The following ZNF33B variants were observed in gnomAD, a reference collection of about 807,000 sequenced individuals.
ZNF33B encodes zinc finger protein 33B.
A neutral mutation model predicts 45.8 loss-of-function variants in ZNF33B; 29 were observed. That is an observed-to-expected ratio of 0.63 (90% confidence interval 0.47 to 0.86). The LOEUF is 0.86. Among genes scored for constraint, ZNF33B ranks in the 40% least tolerant of loss-of-function variants. ZNF33B has a pLI of 0.00. For synonymous variants in ZNF33B, 305 were observed against 307.8 expected (o/e 0.99, Z 0.10); for missense variants, 831 against 909.9 (o/e 0.91, Z 1.12).
chr10:42,637,663 T>G (rs1484344021), intron 1 of ZNF33B, among the ~76,000 whole-genome samples: 14 of 150,292 alleles, frequency 9.3e-5, no homozygotes, highest in African/African-American at 2.8e-4. Context: ...TGGTTTTTTG[T>G]TTGTTTGTTT....
intron 4 of ZNF33B, among the ~76,000 whole-genome samples, chr10:42,606,035 C>G (rs757188898): frequency 2.6e-5 from 4 of 151,710 alleles, no homozygotes; most frequent in Non-Finnish European, 5.9e-5. Context: ...GAGGTTGAGG[C>G]TGCAATGAGC....
intron 2 of ZNF33B, among the ~76,000 whole-genome samples, chr10:42,636,429 G>A (rs1752737586): frequency 6.6e-6 from 1 of 152,156 alleles, no homozygotes; most frequent in Non-Finnish European, 1.5e-5. Flanking sequence ...AACACATGAA[G>A]CTCAACTTAT....
At chr10:42,603,425 G>GA (rs147032268) in intron 4 of ZNF33B, among the ~76,000 whole-genome samples, 2,552 of 152,314 alleles carry the variant, frequency 0.017, 76 homozygotes, top group African/African-American at 0.058. Context: ...CAGACCAACT[G>GA]AAAGTTTACT....
Position 42,590,754 on chromosome 10 carries a change from A to T in ZNF33B, c.*1859T>A, listed in dbSNP as rs1837089814. On this transcript the variant is annotated 3_prime_UTR_variant, in exon 5 of 5. Transcript: ENST00000359467. ...ATATTTCTTTCTAATCCTTTTGGTG[A>T]CCATAGGATCAGCTATGATGGCCTC... 6.6e-6 allele frequency: 1 copy of T among 152,140 alleles called. No individual in the cohort carries two copies. Among genetic ancestry groups the T allele is most frequent in the Non-Finnish European group, 1.5e-5 (1 of 68,040 alleles). The allele number at this position is 152,140 out of a possible 1,614,324, so 9.4% of individuals were successfully genotyped here.
chr10:42,620,493 C>T (rs1838525092), intron 4 of ZNF33B, among the ~76,000 whole-genome samples: 2 of 152,000 alleles, frequency 1.3e-5, no homozygotes, highest in Non-Finnish European at 1.5e-5. Flanking sequence ...CCCTTGACTT[C>T]CTGGGCTCAA....
Position 42,577,406 on chromosome 10 carries a change from G to A in ZNF33B, c.74-2728C>T, listed in dbSNP as rs35146950. 1.5e-3 allele frequency among the ~76,000 whole-genome samples: 222 copies of A among 152,016 alleles called. 1 individual carries two copies. The highest frequency in any genetic ancestry group is 2.4e-3 in the Non-Finnish European group (162 of 67,992). On this transcript the variant is annotated intron_variant, in intron 1 of 1. Coordinates refer to the ZNF33B transcript ENST00000462075. ...GATTCTCCAGTCTCTCTTTCCTACC[G>A]TCTCCTTCTCCCCTGTGACCTCCTC... is the stretch of plus-strand genomic sequence containing the variant.
chr10:42,592,813 T>G lies in ZNF33B; in HGVS notation c.2137A>C (p.Arg713=), dbSNP rs1281179863. 1 of 1,614,158 alleles carries G rather than the reference T, an allele frequency of 6.2e-7. No homozygotes were observed. The highest frequency in any genetic ancestry group is 1.1e-5 in the South Asian group (1 of 91,086). The change falls in exon 5 of 5, where the codon AGG becomes CGG. Residue 713 remains arginine, a synonymous_variant. Coordinates refer to ENST00000359467, the MANE Select transcript of ZNF33B (RefSeq NM_006955.3). ...CAAGATTTCTCTCCTGTGTGAGCCCTGTGATGTACTGTGAGTGATGATTTG... is the reference window on the plus strand; with the variant it reads ...CAAGATTTCTCTCCTGTGTGAGCCCGGTGATGTACTGTGAGTGATGATTTG... ...SHKSSLTVHH[R]AHTGEKSCQC...
chr10:42,606,699 G>A (rs2132080674), intron 4 of ZNF33B, among the ~76,000 whole-genome samples: 1 of 151,602 alleles, frequency 6.6e-6, no homozygotes, highest in Non-Finnish European at 1.5e-5. Context: ...TTGGGGGCAA[G>A]GGGAAGAAAC....
intron 4 of ZNF33B, among the ~76,000 whole-genome samples, chr10:42,625,136 C>T (rs1188185298): frequency 6.6e-6 from 1 of 151,546 alleles, no homozygotes; most frequent in East Asian, 1.9e-4. Flanking sequence ...GGAATCTTGA[C>T]AGGAATGCCA....
intron 4 of ZNF33B, among the ~76,000 whole-genome samples, chr10:42,626,204 C>G (rs1366258123): frequency 6.6e-6 from 1 of 152,100 alleles, no homozygotes; most frequent in African/African-American, 2.4e-5. Flanking sequence ...TTGAACCAGG[C>G]TTGCTTGTAT....
At chr10:42,638,297 T>C (rs1413896282) in intron 1 of ZNF33B, among the ~76,000 whole-genome samples, 177 bp downstream of exon 1, 2 of 152,272 alleles carry the variant, frequency 1.3e-5, no homozygotes, top group Non-Finnish European at 2.9e-5. Flanking sequence ...CTACAGAGGC[T>C]GCGCCTTAGA....
Position 42,593,072 on chromosome 10 carries a change from C to G in ZNF33B, c.1878G>C (p.Gln626His), listed in dbSNP as rs1837212206. 1.9e-6 allele frequency: 3 copies of G among 1,613,498 alleles called. No individual in the cohort carries two copies. Among genetic ancestry groups the G allele is most frequent in the African/African-American group, 1.3e-5 (1 of 74,852 alleles). ...KTFCQKSQLTQHQRIHIGEKP... is the reference protein window; with the variant it reads ...KTFCQKSQLTHHQRIHIGEKP... Reference sequence around the variant, plus strand: ...TCTCCCCTATGTGAATTCTCTGATGCTGAGTGAGTTGTGACTTCTGGCAGA... The same window carrying G: ...TCTCCCCTATGTGAATTCTCTGATGGTGAGTGAGTTGTGACTTCTGGCAGA... Residue 626 changes from glutamine to histidine, a missense_variant, in exon 5 of 5, where the codon CAG (glutamine) becomes CAC (histidine). Gln to His is a conservative substitution (Grantham distance 24, BLOSUM62 0). Coordinates refer to ENST00000359467, the MANE Select transcript of ZNF33B (RefSeq NM_006955.3).
chr10:42,614,763 G>A (rs1205626473), intron 4 of ZNF33B, among the ~76,000 whole-genome samples: 1 of 152,068 alleles, frequency 6.6e-6, no homozygotes, highest in Non-Finnish European at 1.5e-5. Flanking sequence ...AGACCAGCCT[G>A]GCCAACATGG....
At chr10:42,636,884 C>T (rs1370708866) in intron 2 of ZNF33B, 36 bp downstream of exon 2, 2 of 1,613,724 alleles carry the variant, frequency 1.2e-6, no homozygotes, top group African/African-American at 2.7e-5. Flanking sequence ...ACAAAGTCCA[C>T]CGCAAAATAA....
At position 42,591,694 on chromosome 10, in the gene ZNF33B, G is replaced by T. The variant is rs2132031623; in HGVS notation, c.*919C>A. ...GGGATAATTCACAGATGTGCTTAAT[G>T]CTGTTGCCCTGATTATTCAATTTAT... On this transcript the variant is annotated 3_prime_UTR_variant, in exon 5 of 5. Transcript: ENST00000359467. 2 of 281,824 alleles carry T rather than the reference G, an allele frequency of 7.1e-6. No homozygotes were observed. The highest frequency in any genetic ancestry group is 1.7e-4 in the East Asian group (1 of 5,758). 17.5% of individuals were successfully genotyped at this position (281,824 alleles called of 1,614,324 possible).
chr10:42,574,399 A>T (rs1412817907), exon 2 of ZNF33B: 1 of 152,132 alleles, frequency 6.6e-6, no homozygotes. Context: ...TTCAAAGCAC[A>T]AGTGTGGTCC....
chr10:42,594,887 A>G (rs1039357595), intron 4 of ZNF33B, among the ~76,000 whole-genome samples, 188 bp from the exon 5 acceptor site: 1 of 152,160 alleles, frequency 6.6e-6, no homozygotes, highest in African/African-American at 2.4e-5. Context: ...AAAAACAAAA[A>G]CCAGAAACAA....
chr10:42,623,794 A>G (rs528096325), intron 4 of ZNF33B, among the ~76,000 whole-genome samples: 1 of 152,258 alleles, frequency 6.6e-6, no homozygotes, highest in Non-Finnish European at 1.5e-5. Flanking sequence ...TAGACTGTAC[A>G]CTTAAAAACT....
In ZNF33B at chr10:42,617,092, C is replaced by CTTTTTTTTTT. The variant is rs199977911; in HGVS notation, c.250+14827_250+14836dup. On this transcript the variant is annotated intron_variant, in intron 4 of 4. Coordinates refer to ENST00000359467, the MANE Select transcript of ZNF33B (RefSeq NM_006955.3). ...TTGAAGAAAATTGTTCATTTTTTCT[C>CTTTTTTTTTT]TTTTTTTTTTTTTTTTTTTTTTTTT... Among the ~76,000 whole-genome samples, 44 of 61,210 alleles carry CTTTTTTTTTT rather than the reference C, an allele frequency of 7.2e-4. 2 individuals are homozygous for CTTTTTTTTTT. Among genetic ancestry groups the CTTTTTTTTTT allele is most frequent in the Non-Finnish European group, 1.1e-3 (34 of 31,936 alleles). 40.2% of individuals were successfully genotyped at this position (61,210 alleles called of 152,430 possible).
Sources: allele counts gnomAD v4.1 joint callset (sites outside exome capture counted in the v4.1 genomes callset), GRCh38; gene constraint gnomAD v4.1.1; transcripts MANE v1.5; gene names NCBI Gene and HGNC (gene_info 2026-07-23, HGNC 2026-07-21).